Variants in TRIM65 observed in about 807,000 individuals in gnomAD.
TRIM65 encodes tripartite motif containing 65, also known as E3 ubiquitin-protein ligase TRIM65.
A neutral mutation model predicts 36.1 loss-of-function variants in TRIM65; 46 were observed. The observed-to-expected ratio is 1.27, with a 90% CI of 1.01 to 1.63. TRIM65 has a LOEUF of 1.63. Among genes scored for constraint, TRIM65 ranks in the 40% most tolerant of loss-of-function variants. TRIM65 has a pLI of 0.00. For synonymous variants in TRIM65, 346 were observed against 313.6 expected, an observed-to-expected ratio of 1.10 and a Z score of -1.09; for missense variants, 708 against 696.6, an observed-to-expected ratio of 1.02 and a Z score of -0.18.
At chr17:75,882,310 C>T (rs1224500216) in intron 4 of TRIM65, among the ~76,000 whole-genome samples, 1 of 150,360 alleles carries the variant, frequency 6.7e-6, no homozygotes, top group East Asian at 1.9e-4. Flanking sequence ...TGGGTTCAAG[C>T]GATTCTCCTG....
chr17:75,891,956 G>A (rs891894059), intron 4 of TRIM65, 55 bp downstream of exon 4: 73 of 1,559,494 alleles, frequency 4.7e-5, no homozygotes, highest in Middle Eastern at 3.3e-4. Context: ...CACCCCCCCA[G>A]CGGGAGGGGC....
At chr17:75,894,936 G>T (rs2065324437) in intron 1 of TRIM65, among the ~76,000 whole-genome samples, 1 of 152,210 alleles carries the variant, frequency 6.6e-6, no homozygotes, top group Admixed American at 6.5e-5. Context: ...AACAGCCCTT[G>T]GTCTGGCAGA....
chr17:75,888,679 C>CAA (rs2065229132), downstream of TRIM65, among the ~76,000 whole-genome samples: 1 of 152,218 alleles, frequency 6.6e-6, no homozygotes, highest in Non-Finnish European at 1.5e-5. Context: ...AGCTGGTCAG[C>CAA]AAGGTCCTGC....
downstream of TRIM65, among the ~76,000 whole-genome samples, chr17:75,885,397 C>T (rs149949160): frequency 1.2e-3 from 189 of 152,352 alleles, 7 homozygotes; most frequent in East Asian, 0.035. Context: ...CCAGTTCAGC[C>T]TCCCAAGTAG....
Position 75,890,940 on chromosome 17 carries a change from A to G in TRIM65, c.1393T>C (p.Tyr465His), listed in dbSNP as rs1406158153. Residue 465 changes from tyrosine to histidine, a missense_variant, in exon 6 of 6, where the codon TAC becomes CAC. Physicochemically the swap from Tyr to His is moderately conservative, Grantham distance 83 (BLOSUM62 2). Transcript: ENST00000269383. ...LDLASGCLTF[Y>H]SLEPQTQPLY... The stretch of plus-strand genomic sequence containing the variant: ...GGCTGGGTCTGGGGCTCCAGGCTGT[A>G]GAAGGTGAGGCAGCCTGAGGCCAGG... The G allele has an allele frequency of 6.4e-7, 1 of 1,556,418 alleles. No individual in the cohort carries two copies. Among genetic ancestry groups the G allele is most frequent in the South Asian group, 1.2e-5 (1 of 84,980 alleles).
In TRIM65 at chr17:75,891,194, T is replaced by C. The variant is rs1312025751; in HGVS notation, c.1139A>G (p.Gln380Arg). Residue 380 changes from glutamine to arginine, a missense_variant, in exon 6 of 6, where the codon CAG (glutamine) becomes CGG (arginine). Coordinates refer to ENST00000269383, the MANE Select transcript of TRIM65 (RefSeq NM_173547.4). ...LWQVQCAQSF[Q>R]AGHHYWEVRA... is the part of the protein sequence containing the mutation. The stretch of plus-strand genomic sequence containing the variant: ...CACCTCCCAGTAGTGGTGCCCGGCC[T>C]GGAAGCTCTGGGCACATTGCACCTG... The C allele has an allele frequency of 6.2e-7, 1 of 1,611,794 alleles. No individual in the cohort carries two copies. The highest frequency in any genetic ancestry group is 8.5e-7 in the Non-Finnish European group (1 of 1,179,980).
At chr17:75,891,948 C>A (rs1380870840) in intron 4 of TRIM65, 63 bp downstream of exon 4, 20 of 1,555,812 alleles carry the variant, frequency 1.3e-5, no homozygotes, top group Middle Eastern at 1.7e-4. Context: ...CCCGCCTCCA[C>A]CCCCCCAGCG....
At chr17:75,884,568 A>G (rs2065192827), downstream of TRIM65, among the ~76,000 whole-genome samples, 1 of 152,176 alleles carries the variant, frequency 6.6e-6, no homozygotes, top group African/African-American at 2.4e-5. Context: ...GATTTCTTTT[A>G]GCGTCTGCCT....
intron 1 of TRIM65, among the ~76,000 whole-genome samples, chr17:75,893,939 G>A (rs967378314): frequency 2.6e-5 from 4 of 151,958 alleles, no homozygotes; most frequent in Non-Finnish European, 4.4e-5. Context: ...TTCTGCACCC[G>A]CCCATGAGCA....
At chr17:75,888,511 CCT>C (rs916707365), downstream of TRIM65, among the ~76,000 whole-genome samples, 1 of 152,236 alleles carries the variant, frequency 6.6e-6, no homozygotes, top group Non-Finnish European at 1.5e-5. Flanking sequence ...GCCAACTCTT[CCT>C]CTCTCTGCCC....
At position 75,892,342 on chromosome 17, in the gene TRIM65, A is replaced by G. The variant is rs7222755; in HGVS notation, c.669T>C (p.His223=). The part of the protein sequence containing the change: ...ARDEEQRLRV[H]LEAVARHGCR... ...AGCCATGGCGAGCCACAGCCTCCAA[A>G]TGGACCCGCAGCCGCTGCTCCTCGT... is the stretch of plus-strand genomic sequence containing the variant. Residue 223 remains histidine (H), a synonymous_variant, in exon 3 of 6, where the codon CAT becomes CAC. Transcript: ENST00000269383. 0.31 allele frequency: 497,048 copies of G among 1,612,122 alleles called. 84,941 individuals carry two copies. Among genetic ancestry groups the G allele is most frequent in the African/African-American group, 0.74 (55,098 of 74,860 alleles).
chr17:75,894,732 T>C (rs1290924848), intron 1 of TRIM65, among the ~76,000 whole-genome samples: 1 of 152,224 alleles, frequency 6.6e-6, no homozygotes, highest in Non-Finnish European at 1.5e-5. Flanking sequence ...GGTTTCACCA[T>C]GTTAGCCAGG....
intron 4 of TRIM65, among the ~76,000 whole-genome samples, chr17:75,881,570 G>A (rs565471468): frequency 9.3e-5 from 14 of 150,794 alleles, no homozygotes; most frequent in Admixed American, 2.0e-4. Context: ...GGGCACTCAT[G>A]CCATGAATGA....
intron 1 of TRIM65, among the ~76,000 whole-genome samples, chr17:75,894,359 C>T (rs2065315803): frequency 6.6e-6 from 1 of 152,214 alleles, no homozygotes. Context: ...TTGTCAAGGG[C>T]ACGGACCACC....
Position 75,896,896 on chromosome 17 carries a change from G to T in TRIM65, c.42C>A (p.Ile14=). Residue 14 remains isoleucine (I), a synonymous_variant, in exon 1 of 6, where the codon ATC becomes ATA. Coordinates refer to ENST00000269383, the MANE Select transcript of TRIM65 (RefSeq NM_173547.4). The stretch of plus-strand genomic sequence containing the variant: ...CTGGGTCCTGGTAGAGCCCCAGGCA[G>T]ATGGCGCAGGTCAGCTTCTCCTCCA... ...QLLEEKLTCA[I]CLGLYQDPVT... is the part of the protein sequence containing the mutation. The T allele has an allele frequency of 6.6e-7, 1 of 1,520,258 alleles. No homozygotes were observed. Among genetic ancestry groups the T allele is most frequent in the Non-Finnish European group, 8.8e-7 (1 of 1,138,392 alleles). 94.2% of individuals were successfully genotyped at this position (1,520,258 alleles called of 1,614,324 possible).
intron 3 of TRIM65, 25 bp downstream of exon 3, chr17:75,892,242 C>T: frequency 6.3e-7 from 1 of 1,599,594 alleles, no homozygotes; most frequent in Non-Finnish European, 8.5e-7. Flanking sequence ...AGCAAGTCCG[C>T]CACCTATGCC....
intron 4 of TRIM65, among the ~76,000 whole-genome samples, chr17:75,883,526 G>GTTTTTTT (rs58142876): frequency 1.7e-5 from 2 of 118,346 alleles, no homozygotes; most frequent in Non-Finnish European, 3.2e-5. Flanking sequence ...CTCTGAACAA[G>GTTTTTTT]TTTTTTTTTT....
chr17:75,895,659 C>T (rs2065335683), intron 1 of TRIM65, among the ~76,000 whole-genome samples: 1 of 152,252 alleles, frequency 6.6e-6, no homozygotes, highest in Admixed American at 6.5e-5. Flanking sequence ...GCGGCCTCCC[C>T]TTCCTCCTCC....
rs765918053 is a variant in TRIM65, at chr17:75,889,656, G to A, written c.*1123C>T. 2.6e-5 allele frequency: 4 copies of A among 152,142 alleles called. No homozygotes were observed. Among genetic ancestry groups the A allele is most frequent in the Non-Finnish European group, 4.4e-5 (3 of 68,036 alleles). 9.4% of individuals were successfully genotyped at this position (152,142 alleles called of 1,614,324 possible). On this transcript the variant is annotated 3_prime_UTR_variant, in exon 6 of 6. Transcript: ENST00000269383. ...TTAGTGACAGGGTTGAGGGGCCTTA[G>A]TCGGCTTGACTCAAGGTGGCCTCAC... is the stretch of plus-strand genomic sequence containing the variant.
Sources: allele counts gnomAD v4.1 joint callset (sites outside exome capture counted in the v4.1 genomes callset), GRCh38; gene constraint gnomAD v4.1.1; transcripts MANE v1.5; gene names NCBI Gene and HGNC (gene_info 2026-07-23, HGNC 2026-07-21).